Variants in TDRP observed in about 807,000 individuals in gnomAD.
TDRP encodes testis development related protein.
In TDRP, 12 loss-of-function variants were observed where a neutral mutation model predicts 10.5. The observed-to-expected ratio is 1.15, with a 90% CI of 0.73 to 1.86. The LOEUF is 1.86. Ranked by LOEUF, TDRP falls within the 40% of genes most tolerant of loss-of-function variation. TDRP has a pLI of 0.00. For missense variants in TDRP, 353 were observed against 229.2 expected (o/e 1.54, Z -3.49); for synonymous variants, 139 against 95.4 (o/e 1.46, Z -2.67).
chr8:503,936 C>G (rs1801381974), intron 1 of TDRP, among the ~76,000 whole-genome samples: 1 of 148,614 alleles, frequency 6.7e-6, no homozygotes, highest in Non-Finnish European at 1.5e-5. Context: ...GAATCCAGAG[C>G]CACACAATGG....
chr8:544,789 T>C lies in TDRP; in HGVS notation c.-32A>G. 8.2e-7 allele frequency: 1 copy of C among 1,220,374 alleles called. No homozygotes were observed. The highest frequency in any genetic ancestry group is 3.2e-5 in the East Asian group (1 of 30,938). 75.6% of individuals were successfully genotyped at this position (1,220,374 alleles called of 1,614,324 possible). ...GCGGGCTCCGGCGTCCCTCCGTCCG[T>C]GCGTCGGGCTGTGGCTCCGCGTCCC... On this transcript the variant is annotated 5_prime_UTR_variant, in exon 1 of 3. Coordinates refer to ENST00000324079, the MANE Select transcript of TDRP (RefSeq NM_001384899.1).
chr8:499,379 G>C (rs1214036982), intron 1 of TDRP, among the ~76,000 whole-genome samples: 1 of 152,142 alleles, frequency 6.6e-6, no homozygotes, highest in African/African-American at 2.4e-5. Context: ...TGGGCTGGCA[G>C]TAGAACCCAC....
chr8:517,007 T>G (rs1801773941), intron 1 of TDRP, among the ~76,000 whole-genome samples: 1 of 152,164 alleles, frequency 6.6e-6, no homozygotes, highest in African/African-American at 2.4e-5. Flanking sequence ...AGCCTCCTGA[T>G]GCACTGAATG....
chr8:497,727 A>C (rs539234489), intron 1 of TDRP, among the ~76,000 whole-genome samples: 173 of 152,292 alleles, frequency 1.1e-3, no homozygotes, highest in African/African-American at 3.9e-3. Flanking sequence ...AGAGACCTTC[A>C]TGGCAGCCCC....
intron 1 of TDRP, among the ~76,000 whole-genome samples, chr8:520,963 C>T (rs1026368654): frequency 2.0e-5 from 3 of 151,916 alleles, no homozygotes; most frequent in South Asian, 4.2e-4. Context: ...TCTATTTTTG[C>T]TTTTTCCTGT....
chr8:513,738 T>A (rs143769142), intron 1 of TDRP, among the ~76,000 whole-genome samples: 279 of 152,268 alleles, frequency 1.8e-3, no homozygotes, highest in African/African-American at 6.5e-3. Context: ...ATCTTTTGCA[T>A]ACAAAATATG....
chr8:543,681 T>C (rs1420129590), intron 1 of TDRP, among the ~76,000 whole-genome samples: 1 of 152,154 alleles, frequency 6.6e-6, no homozygotes, highest in African/African-American at 2.4e-5. Flanking sequence ...GAATGGAATT[T>C]AACGTTCATA....
rs1801074115 is a variant in TDRP at position 494,477 on chromosome 8, A to G, written c.212+17T>C. On this transcript the variant is annotated intron_variant, in intron 2 of 2. Transcript: ENST00000324079. ...CCTCTCCTGAAATGATCATTTTCTT[A>G]CACAGTTATGACTTACCCTTTGGAC... is the stretch of plus-strand genomic sequence containing the variant. 1.9e-6 allele frequency: 3 copies of G among 1,607,438 alleles called. No individual in the cohort carries two copies. The highest frequency in any genetic ancestry group is 2.6e-6 in the Non-Finnish European group (3 of 1,174,368).
chr8:520,312 C>T (rs1801867912), intron 1 of TDRP, among the ~76,000 whole-genome samples: 1 of 152,086 alleles, frequency 6.6e-6, no homozygotes, highest in Non-Finnish European at 1.5e-5. Context: ...GAATAATATT[C>T]CATTGAACAT....
At chr8:517,642 C>G (rs1249756060) in intron 1 of TDRP, among the ~76,000 whole-genome samples, 1 of 152,128 alleles carries the variant, frequency 6.6e-6, no homozygotes, top group Non-Finnish European at 1.5e-5. Context: ...CCAATATATA[C>G]CTTACATGTA....
chr8:534,142 G>A (rs944033911), intron 1 of TDRP, among the ~76,000 whole-genome samples: 3 of 152,108 alleles, frequency 2.0e-5, no homozygotes, highest in Non-Finnish European at 4.4e-5. Context: ...AGAGAAACTT[G>A]GATTCAAATT....
intron 1 of TDRP, among the ~76,000 whole-genome samples, chr8:521,380 G>A (rs988321513): frequency 6.6e-6 from 1 of 150,430 alleles, no homozygotes; most frequent in East Asian, 1.9e-4. Flanking sequence ...TCACACCACT[G>A]CACTCCAGCC....
chr8:544,871 G>GGGCGGGGCTA (rs1802597642), upstream of TDRP: 2 of 766,090 alleles, frequency 2.6e-6, no homozygotes, highest in South Asian at 6.6e-5. Context: ...CCAGTGGGCC[G>GGGCGGGGCTA]GGCGGGGCTA....
intron 1 of TDRP, among the ~76,000 whole-genome samples, chr8:517,863 GCTACACA>G (rs147360843): frequency 3.3e-5 from 5 of 152,286 alleles, no homozygotes; most frequent in East Asian, 1.9e-4. Flanking sequence ...ATCTGAAAAG[GCTACACA>G]CTGTGTAATT....
At chr8:499,619 G>C (rs1801230263) in intron 1 of TDRP, among the ~76,000 whole-genome samples, 1 of 152,234 alleles carries the variant, frequency 6.6e-6, no homozygotes, top group African/African-American at 2.4e-5. Context: ...AAACAGACAT[G>C]ATCGAAGTGT....
In TDRP at chr8:491,809, C is replaced by G. The variant is rs529149173; in HGVS notation, c.*590G>C. The G allele has an allele frequency of 3.4e-5, 42 of 1,252,126 alleles. No individual in the cohort carries two copies. Among genetic ancestry groups the G allele is most frequent in the Non-Finnish European group, 4.2e-5 (42 of 999,806 alleles). 77.6% of individuals were successfully genotyped at this position (1,252,126 alleles called of 1,614,324 possible). A position where few individuals can be genotyped will look rare whatever the true frequency, so the allele number is the denominator to read the frequency against. On this transcript the variant is annotated 3_prime_UTR_variant, in exon 3 of 3. Transcript: ENST00000324079. Reference sequence around the variant, plus strand: ...ATACAAGAAGCTATTCCTCCCTCAGCAAAAGATGAACATGCATTTTAAGAT... The same window carrying G: ...ATACAAGAAGCTATTCCTCCCTCAGGAAAAGATGAACATGCATTTTAAGAT...
At chr8:495,221 AAGACCCCATCTC>A (rs1452926125) in intron 1 of TDRP, among the ~76,000 whole-genome samples, 5 of 152,168 alleles carry the variant, frequency 3.3e-5, no homozygotes, top group African/African-American at 1.2e-4. Context: ...GCAACAGAGC[AAGACCCCATCTC>A]AAAAAACAAA....
At chr8:505,432 T>C (rs1419703465) in intron 1 of TDRP, among the ~76,000 whole-genome samples, 1 of 152,218 alleles carries the variant, frequency 6.6e-6, no homozygotes, top group African/African-American at 2.4e-5. Context: ...TTCTCTTCTG[T>C]TTTTATAAAA....
intron 1 of TDRP, among the ~76,000 whole-genome samples, chr8:539,537 G>A (rs776342169): frequency 6.6e-5 from 10 of 152,302 alleles, no homozygotes; most frequent in Non-Finnish European, 8.8e-5. Context: ...ACTGGTAAGG[G>A]CTACAACTTA....
Sources: gnomAD v4.1 joint callset for allele counts (sites outside exome capture counted in the v4.1 genomes callset) on GRCh38, gnomAD v4.1.1 for gene constraint, MANE v1.5 for transcripts, NCBI Gene and HGNC (gene_info 2026-07-23, HGNC 2026-07-21) for gene names.